The following UBE3D variants were observed in gnomAD, a reference collection of about 807,000 sequenced individuals.
UBE3D encodes the protein E3 ubiquitin-protein ligase E3D.
UBE3D carries 48 observed loss-of-function variants against 49.6 expected under a neutral mutation model. The observed-to-expected ratio is 0.97, with a 90% CI of 0.77 to 1.23. UBE3D has a LOEUF of 1.23. Ranked by LOEUF, UBE3D falls within the 50% of genes most tolerant of loss-of-function variation. UBE3D has a pLI of 0.00. For missense variants in UBE3D, 452 were observed against 468.4 expected (o/e 0.96, Z 0.32); for synonymous variants, 189 against 174.2 (o/e 1.08, Z -0.67).
chr6:82,911,267 A>G (rs1772506038), intron 9 of UBE3D, among the ~76,000 whole-genome samples: 1 of 141,180 alleles, frequency 7.1e-6, no homozygotes, highest in Admixed American at 7.5e-5. Context: ...CTTTTCATTT[A>G]TTACCTTAAT....
intron 8 of UBE3D, among the ~76,000 whole-genome samples, chr6:82,988,601 A>G (rs1406447719): frequency 6.6e-6 from 1 of 152,204 alleles, no homozygotes; most frequent in East Asian, 1.9e-4. Context: ...TATGAGGTCT[A>G]TATGGGACAT....
intron 9 of UBE3D, among the ~76,000 whole-genome samples, chr6:82,907,688 G>T (rs1251637950): frequency 6.6e-6 from 1 of 152,202 alleles, no homozygotes; most frequent in African/African-American, 2.4e-5. Flanking sequence ...ATCACCAAAT[G>T]ATGTCACTGA....
Position 82,940,324 on chromosome 6 carries a change from A to C in UBE3D, c.1149+16988T>G, listed in dbSNP as rs150593237. 2.1e-4 allele frequency among the ~76,000 whole-genome samples: 32 copies of C among 152,348 alleles called. No homozygotes were observed. In the East Asian group the frequency reaches 5.6e-3, roughly 27 times the overall value. ...GAATGAAGATGACAACATCTTTCACATCCAAATTGCTGAGGCAATTCTCAG... is the reference window on the plus strand; with the variant it reads ...GAATGAAGATGACAACATCTTTCACCTCCAAATTGCTGAGGCAATTCTCAG... On this transcript the variant is annotated intron_variant, in intron 9 of 9. Coordinates refer to ENST00000369747, the MANE Select transcript of UBE3D (RefSeq NM_198920.3).
At chr6:82,912,610 G>C (rs953002893) in intron 9 of UBE3D, among the ~76,000 whole-genome samples, 21 of 152,152 alleles carry the variant, frequency 1.4e-4, no homozygotes, top group Non-Finnish European at 2.5e-4. Context: ...GCTTCAAAGA[G>C]TTATGTGGAA....
chr6:83,027,831 T>A (rs946161205), intron 5 of UBE3D, among the ~76,000 whole-genome samples: 1 of 152,206 alleles, frequency 6.6e-6, no homozygotes, highest in African/African-American at 2.4e-5. Context: ...TTTGTAAAAT[T>A]CTCAACAATT....
At chr6:82,973,005 T>C (rs1777460547) in intron 8 of UBE3D, among the ~76,000 whole-genome samples, 1 of 152,204 alleles carries the variant, frequency 6.6e-6, no homozygotes, top group Admixed American at 6.5e-5. Context: ...AAGCTACTAA[T>C]GTTCTGAAAT....
At chr6:82,950,508 C>G (rs1025530998) in intron 9 of UBE3D, among the ~76,000 whole-genome samples, 1 of 152,152 alleles carries the variant, frequency 6.6e-6, no homozygotes, top group African/African-American at 2.4e-5. Flanking sequence ...TGGCTTACAG[C>G]TGTAATCCCA....
chr6:82,893,397 C>T (rs550720533), intron 9 of UBE3D, among the ~76,000 whole-genome samples: 3 of 152,184 alleles, frequency 2.0e-5, no homozygotes, highest in Non-Finnish European at 2.9e-5. Context: ...CATTCCTAGG[C>T]GATTCTGGGT....
At chr6:83,025,909 A>G (rs1306248280) in intron 5 of UBE3D, among the ~76,000 whole-genome samples, 1 of 151,344 alleles carries the variant, frequency 6.6e-6, no homozygotes, top group Non-Finnish European at 1.5e-5. Context: ...AAAAAAAGAA[A>G]AATTGTGTAT....
At chr6:83,049,487 G>A (rs1186287762) in intron 3 of UBE3D, among the ~76,000 whole-genome samples, 1 of 152,182 alleles carries the variant, frequency 6.6e-6, no homozygotes, top group Non-Finnish European at 1.5e-5. Flanking sequence ...TACCAATAGT[G>A]CAGTTGGTGA....
At chr6:83,052,907 T>C (rs1783565069) in intron 3 of UBE3D, among the ~76,000 whole-genome samples, 2 of 152,116 alleles carry the variant, frequency 1.3e-5, no homozygotes, top group South Asian at 4.1e-4. Flanking sequence ...ACAAGTGTAA[T>C]TAGGTGAACA....
chr6:83,025,836 T>A (rs2127780458), intron 5 of UBE3D, among the ~76,000 whole-genome samples: 1 of 136,848 alleles, frequency 7.3e-6, no homozygotes, highest in South Asian at 2.2e-4. Context: ...TGAGCCGAGA[T>A]CGTGCCACTG....
intron 9 of UBE3D, among the ~76,000 whole-genome samples, chr6:82,920,065 A>G (rs1773215047): frequency 6.6e-6 from 1 of 152,248 alleles, no homozygotes; most frequent in South Asian, 2.1e-4. Flanking sequence ...GAAAAAATAT[A>G]TATAAATCAT....
chr6:83,001,699 G>A (rs934510970), intron 8 of UBE3D, among the ~76,000 whole-genome samples: 8 of 152,194 alleles, frequency 5.3e-5, no homozygotes, highest in Non-Finnish European at 1.2e-4. Flanking sequence ...GGAGAGAGTA[G>A]CAGGTTACCT....
intron 9 of UBE3D, among the ~76,000 whole-genome samples, chr6:82,905,207 T>C (rs1772012970): frequency 6.6e-6 from 1 of 152,230 alleles, no homozygotes; most frequent in Non-Finnish European, 1.5e-5. Context: ...TTTTACAAAT[T>C]GAAGGTTTGC....
chr6:83,064,968 G>A (rs1784402435), intron 1 of UBE3D, among the ~76,000 whole-genome samples: 2 of 152,152 alleles, frequency 1.3e-5, no homozygotes, highest in Admixed American at 6.5e-5. Context: ...AATAGACAAG[G>A]GGACCACAAA....
chr6:83,028,155 C>T (rs1781615444), intron 5 of UBE3D, among the ~76,000 whole-genome samples: 1 of 152,114 alleles, frequency 6.6e-6, no homozygotes, highest in African/African-American at 2.4e-5. Context: ...TTCCTTTCAG[C>T]TACCTTCACA....
At chr6:83,058,231 A>G (rs764847084) in intron 1 of UBE3D, among the ~76,000 whole-genome samples, 5 of 152,154 alleles carry the variant, frequency 3.3e-5, no homozygotes, top group Non-Finnish European at 5.9e-5. Context: ...CCATCACCAT[A>G]ATATGCAAGT....
downstream of UBE3D, among the ~76,000 whole-genome samples, chr6:82,887,871 C>T (rs1316328887): frequency 6.6e-6 from 1 of 152,044 alleles, no homozygotes; most frequent in Non-Finnish European, 1.5e-5. Context: ...AGTGATCAAC[C>T]CCAGAGTGTG....
Sources: gnomAD v4.1 joint callset for allele counts (sites outside exome capture counted in the v4.1 genomes callset) on GRCh38, gnomAD v4.1.1 for gene constraint, MANE v1.5 for transcripts, NCBI Gene and HGNC (gene_info 2026-07-23, HGNC 2026-07-21) for gene names.